Variants in EDEM3 observed in about 807,000 individuals in gnomAD.
EDEM3 encodes ER degradation-enhancing alpha-mannosidase-like protein 3.
A neutral mutation model predicts 110.2 loss-of-function variants in EDEM3; 60 were observed. That is an observed-to-expected ratio of 0.54 (90% CI 0.44 to 0.67). The LOEUF is 0.67. EDEM3 is among the 30% of genes least tolerant of loss of function. EDEM3 has a pLI of 0.00. For synonymous variants in EDEM3, 352 were observed against 382.9 expected, an observed-to-expected ratio of 0.92 and a Z score of 0.94; for missense variants, 996 against 1,121.0, an observed-to-expected ratio of 0.89 and a Z score of 1.59.
At position 184,711,809 on chromosome 1, in the gene EDEM3, A is replaced by C; in HGVS notation, c.1605T>G (p.Phe535Leu). Residue 535 changes from phenylalanine (F) to leucine (L), a missense_variant, in exon 15 of 20, where the codon TTT becomes TTG. By Grantham distance (22) the Phe-to-Leu change is conservative. Coordinates refer to ENST00000318130, the MANE Select transcript of EDEM3 (RefSeq NM_025191.4). ...TTTGAGCATACAATGGGTCATTAGG[A>C]AAGAGGATCTGAGTATTTGGACAAG... is the stretch of plus-strand genomic sequence containing the variant. ...DWTCPNTQILFPNDPLYAQSI... is the reference protein window; with the variant it reads ...DWTCPNTQILLPNDPLYAQSI... 2 of 1,613,620 alleles carry C rather than the reference A, an allele frequency of 1.2e-6. No individual in the cohort carries two copies. Among genetic ancestry groups the C allele is most frequent in the Non-Finnish European group, 8.5e-7 (1 of 1,179,658 alleles).
intron 19 of EDEM3, among the ~76,000 whole-genome samples, chr1:184,699,494 G>C (rs143550397): frequency 6.6e-6 from 1 of 151,876 alleles, no homozygotes; most frequent in Non-Finnish European, 1.5e-5. Context: ...TATCAATTCT[G>C]CTAAGAAGAA....
Position 184,717,567 on chromosome 1 carries a change from A to G in EDEM3, c.1218T>C (p.Phe406=), listed in dbSNP as rs1650623451. 1 of 1,608,118 alleles carries G rather than the reference A, an allele frequency of 6.2e-7. No individual in the cohort carries two copies. The highest frequency in any genetic ancestry group is 8.5e-7 in the Non-Finnish European group (1 of 1,177,648). Residue 406 remains phenylalanine (F), a synonymous_variant, in exon 12 of 20, where the codon TTT becomes TTC. Coordinates refer to ENST00000318130, the MANE Select transcript of EDEM3 (RefSeq NM_025191.4). ...HWAQHPLRPE[F]AESTYFLYKA... ...TATATAAGAAGTAGGTACTTTCTGC[A>G]AATTCTGGCCTTAAAGGATGTTGAG...
intron 6 of EDEM3, among the ~76,000 whole-genome samples, chr1:184,728,119 G>A (rs745564545): frequency 7.9e-5 from 12 of 152,256 alleles, no homozygotes; most frequent in African/African-American, 2.6e-4. Context: ...CCATGTGGGG[G>A]ATATTATGAT....
chr1:184,719,715 A>T, intron 9 of EDEM3, 147 bp from the exon 10 acceptor site: 2 of 813,978 alleles, frequency 2.5e-6, no homozygotes, highest in South Asian at 5.0e-5. Flanking sequence ...TATTTAAGTT[A>T]TTTTAGATGG....
At chr1:184,750,985 A>G (rs1235771090) in intron 1 of EDEM3, among the ~76,000 whole-genome samples, 1 of 152,110 alleles carries the variant, frequency 6.6e-6, no homozygotes, top group Non-Finnish European at 1.5e-5. Flanking sequence ...GCAAACAGAA[A>G]AGACCTCAGT....
At chr1:184,703,727 T>C (rs960599245) in intron 18 of EDEM3, among the ~76,000 whole-genome samples, 6 of 152,240 alleles carry the variant, frequency 3.9e-5, no homozygotes, top group African/African-American at 1.4e-4. Context: ...TCATAGGACC[T>C]GCTAAGTGCA....
intron 6 of EDEM3, among the ~76,000 whole-genome samples, chr1:184,726,711 C>T (rs1571391185): frequency 6.6e-6 from 1 of 152,072 alleles, no homozygotes; most frequent in African/African-American, 2.4e-5. Context: ...TCTTTTATAA[C>T]AATTTTGTTC....
rs754621630 is a variant in EDEM3 at position 184,708,164 on chromosome 1, T to C, written c.2026A>G (p.Lys676Glu). The stretch of plus-strand genomic sequence containing the variant: ...TTAAGTATACATACCTCTTTATGTT[T>C]AGACAGATCCAGCCCAAACTGAGCT... ...GPAQFGLDLSKHKETRGFVAS... is the reference protein window; with the variant it reads ...GPAQFGLDLSEHKETRGFVAS... The change falls in exon 17 of 20, where the codon AAA becomes GAA. Residue 676 changes from lysine (K) to glutamate (E), a missense_variant. By Grantham distance (56) the Lys-to-Glu change is moderately conservative. Transcript: ENST00000318130. 4.3e-6 allele frequency: 7 copies of C among 1,612,272 alleles called. No individual in the cohort carries two copies. In the African/African-American group the frequency reaches 6.7e-5, roughly 15 times the overall value.
intron 19 of EDEM3, among the ~76,000 whole-genome samples, chr1:184,696,582 T>TC (rs150872929): frequency 9.9e-5 from 15 of 151,950 alleles, no homozygotes; most frequent in African/African-American, 3.4e-4. Context: ...GGGTTTTTTT[T>TC]CCGGAGGGGA....
Position 184,706,746 on chromosome 1 carries a change from C to A in EDEM3, c.2100G>T (p.Glu700Asp). The A allele has an allele frequency of 6.2e-7, 1 of 1,613,984 alleles. No individual in the cohort carries two copies. The highest frequency in any genetic ancestry group is 8.5e-7 in the Non-Finnish European group (1 of 1,179,926). ...SNGCSELTNP[E>D]AVMGKIALIQ... is the part of the protein sequence containing the mutation. ...TCAGTGCGATTTTTCCCATCACTGC[C>A]TCTGGGTTAGTAAGCTCTGAACAAC... Residue 700 changes from glutamate (E) to aspartate (D), a missense_variant, in exon 18 of 20, where the codon GAG becomes GAT. By Grantham distance (45) the Glu-to-Asp change is conservative. Coordinates refer to ENST00000318130, the MANE Select transcript of EDEM3 (RefSeq NM_025191.4).
At chr1:184,741,394 C>T (rs982796124) in intron 2 of EDEM3, among the ~76,000 whole-genome samples, 10 of 150,478 alleles carry the variant, frequency 6.6e-5, no homozygotes, top group Admixed American at 1.3e-4. Flanking sequence ...AGTGAGACTC[C>T]GTCTCAAAAA....
intron 18 of EDEM3, among the ~76,000 whole-genome samples, chr1:184,704,917 A>T (rs1195265150): frequency 6.6e-6 from 1 of 151,478 alleles, no homozygotes; most frequent in African/African-American, 2.4e-5. Context: ...AATATATATA[A>T]AAATTAGCCA....
Position 184,693,991 on chromosome 1 carries a change from A to G in EDEM3, c.*72T>C. 6.7e-7 allele frequency: 1 copy of G among 1,491,726 alleles called. No homozygotes were observed. Among genetic ancestry groups the G allele is most frequent in the Non-Finnish European group, 9.0e-7 (1 of 1,105,456 alleles). 92.4% of individuals were successfully genotyped at this position (1,491,726 alleles called of 1,614,324 possible). ...CCTCCCATTAGAAAGCCTGCTTAGT[A>G]TTAGGATGTCTATTAACCACACACA... On this transcript the variant is annotated 3_prime_UTR_variant, in exon 20 of 20. Transcript: ENST00000318130.
chr1:184,749,634 G>T, intron 1 of EDEM3, 42 bp from the exon 2 acceptor site: 4 of 893,344 alleles, frequency 4.5e-6, no homozygotes, highest in South Asian at 1.9e-5. Flanking sequence ...AAAAAAAAAA[G>T]GTAAGTATAT....
chr1:184,709,052 G>T (rs1650087148), intron 16 of EDEM3, among the ~76,000 whole-genome samples: 1 of 152,126 alleles, frequency 6.6e-6, no homozygotes, highest in African/African-American at 2.4e-5. Context: ...AGAAGTTAGA[G>T]GATGGAAAAG....
At chr1:184,720,509 CT>C (rs34268021) in intron 9 of EDEM3, 38,576 of 127,346 alleles carry the variant, frequency 0.3, 6,401 homozygotes, top group East Asian at 0.54. Flanking sequence ...ATCTCCCATA[CT>C]TTTTTTTTTT....
At chr1:184,697,886 T>TTG (rs576377502) in intron 19 of EDEM3, among the ~76,000 whole-genome samples, 2,071 of 149,766 alleles carry the variant, frequency 0.014, 43 homozygotes, top group East Asian at 0.051. Flanking sequence ...GTTGGGAAAA[T>TTG]TGTGTGTGTG....
chr1:184,751,104 T>TA (rs1374019701), intron 1 of EDEM3, among the ~76,000 whole-genome samples: 2 of 77,194 alleles, frequency 2.6e-5, no homozygotes, highest in African/African-American at 5.7e-5. Context: ...TTTCATTATT[T>TA]AAAAAAAGAC....
intron 16 of EDEM3, among the ~76,000 whole-genome samples, chr1:184,708,667 G>A (rs1234634981): frequency 1.3e-5 from 2 of 152,166 alleles, no homozygotes; most frequent in Non-Finnish European, 2.9e-5. Context: ...TCCCTCTGAA[G>A]AAATAAACCT....
Sources: gnomAD v4.1 joint callset for allele counts (sites outside exome capture counted in the v4.1 genomes callset) on GRCh38, gnomAD v4.1.1 for gene constraint, MANE v1.5 for transcripts, NCBI Gene and HGNC (gene_info 2026-07-23, HGNC 2026-07-21) for gene names.